Variants in TRAPPC9 observed in about 807,000 individuals in gnomAD.
The protein encoded by TRAPPC9 is trafficking protein particle complex subunit 9.
A neutral mutation model predicts 124.0 loss-of-function variants in TRAPPC9; 83 were observed. The ratio of observed to expected loss-of-function variants is 0.67; its 90% CI spans 0.56 to 0.80. TRAPPC9 has a LOEUF of 0.80. TRAPPC9 is among the 30% of genes least tolerant of loss of function. The pLI is 0.00. For synonymous variants in TRAPPC9, 638 were observed against 617.5 expected (o/e 1.03, Z -0.49); for missense variants, 1,302 against 1,508.3 (o/e 0.86, Z 2.27).
At chr8:140,264,280 C>T (rs1486759154) in intron 15 of TRAPPC9, among the ~76,000 whole-genome samples, 1 of 152,126 alleles carries the variant, frequency 6.6e-6, no homozygotes, top group African/African-American at 2.4e-5. Flanking sequence ...TCCTCCCCGT[C>T]AGCGCTGCCT....
intron 10 of TRAPPC9, among the ~76,000 whole-genome samples, chr8:140,307,999 G>C (rs989181199): frequency 3.3e-5 from 5 of 152,076 alleles, no homozygotes. Flanking sequence ...AACTTACAAA[G>C]AAAGTATAGT....
intron 1 of TRAPPC9, among the ~76,000 whole-genome samples, chr8:140,455,741 A>C (rs1376216666): frequency 1.3e-5 from 2 of 152,088 alleles, no homozygotes; most frequent in Non-Finnish European, 2.9e-5. Context: ...GCACAGCATT[A>C]TTCTTAATAG....
intron 15 of TRAPPC9, among the ~76,000 whole-genome samples, chr8:140,263,496 T>C (rs917804113): frequency 6.6e-6 from 1 of 152,198 alleles, no homozygotes; most frequent in African/African-American, 2.4e-5. Context: ...CAACATGTTT[T>C]AGAAAGGTGA....
At chr8:140,346,046 A>G (rs1218037602) in intron 9 of TRAPPC9, among the ~76,000 whole-genome samples, 1 of 152,256 alleles carries the variant, frequency 6.6e-6, no homozygotes, top group African/African-American at 2.4e-5. Context: ...GGACTGGAAG[A>G]GTTAAGGAAA....
chr8:140,280,680 CGCCTCT>C, intron 14 of TRAPPC9, among the ~76,000 whole-genome samples: 1 of 151,938 alleles, frequency 6.6e-6, no homozygotes, highest in East Asian at 1.9e-4. Context: ...GTGATCCGCC[CGCCTCT>C]GCCTCCCAAA....
rs115720826 is a variant in TRAPPC9 at position 140,207,579 on chromosome 8, G to A, written c.2556+13880C>T. Reference sequence around the variant, plus strand: ...GGATCATGCTGAACGCACTGGTGGCGGCTGGTTTTAAGAGAATAGTTCGTG... The same window carrying A: ...GGATCATGCTGAACGCACTGGTGGCAGCTGGTTTTAAGAGAATAGTTCGTG... On this transcript the variant is annotated intron_variant, in intron 17 of 22. Coordinates refer to ENST00000438773, the MANE Select transcript of TRAPPC9 (RefSeq NM_001160372.4). 3.4e-3 allele frequency among the ~76,000 whole-genome samples: 517 copies of A among 152,252 alleles called. 4 individuals carry two copies. The highest frequency in any genetic ancestry group is 0.012 in the African/African-American group (490 of 41,534).
At chr8:140,355,666 G>T (rs767250974) in intron 9 of TRAPPC9, among the ~76,000 whole-genome samples, 4 of 152,198 alleles carry the variant, frequency 2.6e-5, no homozygotes, top group African/African-American at 7.2e-5. Context: ...AAGGGCTCTG[G>T]CCATAAAAGC....
chr8:140,406,905 A>T (rs2069512992), intron 5 of TRAPPC9, among the ~76,000 whole-genome samples: 1 of 152,246 alleles, frequency 6.6e-6, no homozygotes, highest in Non-Finnish European at 1.5e-5. Context: ...GCACTTTTTA[A>T]AGAATAGATC....
intron 17 of TRAPPC9, among the ~76,000 whole-genome samples, chr8:140,086,509 C>T (rs2130097506): frequency 6.6e-6 from 1 of 152,322 alleles, no homozygotes; most frequent in East Asian, 1.9e-4. Context: ...GTGCCCAGCT[C>T]CTGCTGCCTC....
chr8:140,353,633 A>G lies in TRAPPC9; in HGVS notation c.1495+6417T>C, dbSNP rs1425717463. Among the ~76,000 whole-genome samples, 1 of 152,186 alleles carries G rather than the reference A, an allele frequency of 6.6e-6. No individual in the cohort carries two copies. Among genetic ancestry groups the G allele is most frequent in the Non-Finnish European group, 1.5e-5 (1 of 68,028 alleles). ...TCCTGAAACGGCCAGCGCAAGGATG[A>G]CCATCAGGCCGCGGGCCAGACCTGG... is the stretch of plus-strand genomic sequence containing the variant. On this transcript the variant is annotated intron_variant, in intron 9 of 22. Transcript: ENST00000438773. The surrounding 1 kb of genome is among the most constrained non-coding windows in gnomAD (Gnocchi z 4.2).
intron 21 of TRAPPC9, among the ~76,000 whole-genome samples, chr8:139,778,614 GAAATATATAACATCTC>G (rs1821562476): frequency 6.6e-6 from 1 of 152,076 alleles, no homozygotes; most frequent in Admixed American, 6.5e-5. Context: ...TTATGTCAAT[GAAATATATAACATCTC>G]AGATAAAAAC....
chr8:140,007,547 A>G (rs540868512), intron 18 of TRAPPC9, among the ~76,000 whole-genome samples: 1 of 152,232 alleles, frequency 6.6e-6, no homozygotes, highest in African/African-American at 2.4e-5. Context: ...TAAACAAAGA[A>G]ACGAAGAGAA....
At chr8:139,956,658 G>C (rs1227564260) in intron 19 of TRAPPC9, among the ~76,000 whole-genome samples, 1 of 152,236 alleles carries the variant, frequency 6.6e-6, no homozygotes, top group Non-Finnish European at 1.5e-5. Context: ...GCCTGGAACA[G>C]CACTGCTCAG....
At chr8:140,180,361 ATGTT>A (rs1334496742) in intron 17 of TRAPPC9, among the ~76,000 whole-genome samples, 1 of 151,840 alleles carries the variant, frequency 6.6e-6, no homozygotes, top group Non-Finnish European at 1.5e-5. Context: ...CTTCCATCCT[ATGTT>A]TGTCATATTT....
chr8:139,794,139 C>T (rs1822891599), intron 21 of TRAPPC9, among the ~76,000 whole-genome samples: 1 of 152,132 alleles, frequency 6.6e-6, no homozygotes, highest in African/African-American at 2.4e-5. Flanking sequence ...GCAGACCCCA[C>T]CCATGCGGCT....
intron 17 of TRAPPC9, among the ~76,000 whole-genome samples, chr8:140,149,798 G>C (rs1257019158): frequency 6.7e-6 from 1 of 149,960 alleles, no homozygotes; most frequent in African/African-American, 2.5e-5. Context: ...CTCCTTGAAA[G>C]GTCTGCTCGC....
intron 17 of TRAPPC9, among the ~76,000 whole-genome samples, chr8:140,119,982 T>A (rs945732385): frequency 5.9e-5 from 9 of 152,222 alleles, no homozygotes; most frequent in Non-Finnish European, 1.2e-4. Flanking sequence ...CCCATTCAGA[T>A]TCCAGGATGC....
chr8:140,323,297 C>T (rs187896780), intron 9 of TRAPPC9, among the ~76,000 whole-genome samples: 3 of 152,264 alleles, frequency 2.0e-5, no homozygotes, highest in East Asian at 1.9e-4. Context: ...TTTGTAATAT[C>T]CTTTACAATA....
chr8:140,422,546 G>A (rs2070255930), intron 5 of TRAPPC9, among the ~76,000 whole-genome samples: 1 of 152,086 alleles, frequency 6.6e-6, no homozygotes, highest in Non-Finnish European at 1.5e-5. Flanking sequence ...CTGAGGTCAG[G>A]AGTTTGAGAC....
Sources: gnomAD v4.1 joint callset for allele counts (sites outside exome capture counted in the v4.1 genomes callset) on GRCh38, gnomAD v4.1.1 for gene constraint, Gnocchi (gnomAD v3.1) non-coding constraint, MANE v1.5 for transcripts, NCBI Gene and HGNC (gene_info 2026-07-23, HGNC 2026-07-21) for gene names.